Variants in OC90 observed in about 807,000 individuals in gnomAD.
OC90 encodes the protein otoconin-90.
A neutral mutation model predicts 47.3 loss-of-function variants in OC90; 46 were observed. The observed-to-expected ratio is 0.97, with a 90% CI of 0.77 to 1.24. OC90 has a LOEUF of 1.24. Ranked by LOEUF, OC90 falls within the 50% of genes most tolerant of loss-of-function variation. OC90 has a pLI of 0.00. For missense variants in OC90, 688 were observed against 583.9 expected (o/e 1.18, Z -1.84); for synonymous variants, 271 against 219.5 (o/e 1.23, Z -2.07).
At chr8:132,033,727 C>G (rs979255794) in intron 10 of OC90, among the ~76,000 whole-genome samples, 3 of 152,232 alleles carry the variant, frequency 2.0e-5, no homozygotes, top group Non-Finnish European at 2.9e-5. Flanking sequence ...GCCTGACACT[C>G]TCTCTGGATC....
chr8:132,028,376 C>T (rs1423627782), intron 13 of OC90, among the ~76,000 whole-genome samples: 1 of 151,668 alleles, frequency 6.6e-6, no homozygotes, highest in African/African-American at 2.4e-5. Flanking sequence ...GTGGCACATG[C>T]CTGTAATCCC....
In OC90 at chr8:132,044,422, A is replaced by G; in HGVS notation, c.169+11T>C. The G allele has an allele frequency of 6.7e-7, 1 of 1,485,884 alleles. No homozygotes were observed. Among genetic ancestry groups the G allele is most frequent in the East Asian group, 2.4e-5 (1 of 42,154 alleles). The allele number at this position is 1,485,884 out of a possible 1,614,324, so 92.0% of individuals were successfully genotyped here. A position where few individuals can be genotyped will look rare whatever the true frequency, so the allele number is the denominator to read the frequency against. On this transcript the variant is annotated intron_variant, in intron 4 of 13. Transcript: ENST00000254627. ...CTCTGGTGGATAAAAGCAATTTTAGACTTAACTTACCAAAAATTTCAGCCA... is the reference window on the plus strand; with the variant it reads ...CTCTGGTGGATAAAAGCAATTTTAGGCTTAACTTACCAAAAATTTCAGCCA...
At chr8:132,047,878 C>T (rs971464273) in intron 2 of OC90, among the ~76,000 whole-genome samples, 1 of 152,164 alleles carries the variant, frequency 6.6e-6, no homozygotes, top group African/African-American at 2.4e-5. Context: ...TTTATATCTT[C>T]GTACTTAAAC....
chr8:132,030,762 C>T (rs1169319836), intron 12 of OC90, among the ~76,000 whole-genome samples: 1 of 152,170 alleles, frequency 6.6e-6, no homozygotes, highest in Non-Finnish European at 1.5e-5. Context: ...GCCTGGATTT[C>T]CTTCACTGAA....
intron 13 of OC90, among the ~76,000 whole-genome samples, chr8:132,026,159 A>AT (rs1822754733): frequency 6.6e-6 from 1 of 152,056 alleles, no homozygotes; most frequent in Non-Finnish European, 1.5e-5. Context: ...AACCAACCCT[A>AT]TTTTTTTCAA....
intron 13 of OC90, among the ~76,000 whole-genome samples, chr8:132,028,853 AAG>A (rs1822827416): frequency 6.7e-6 from 1 of 148,184 alleles, no homozygotes; most frequent in East Asian, 2.1e-4. Flanking sequence ...GAAAGAAGGA[AAG>A]AGGAAGGAAG....
intron 2 of OC90, among the ~76,000 whole-genome samples, chr8:132,051,900 T>A (rs1244195672): frequency 1.3e-5 from 2 of 152,168 alleles, no homozygotes; most frequent in Admixed American, 6.5e-5. Flanking sequence ...TTTTCAAAAA[T>A]TTTTTTTGAA....
intron 3 of OC90, 146 bp downstream of exon 3, chr8:132,045,672 G>C: frequency 1.7e-6 from 1 of 579,180 alleles, no homozygotes; most frequent in Non-Finnish European, 3.1e-6. Flanking sequence ...TTGGGGAGAT[G>C]CTTTTGAGTC....
chr8:132,028,587 GA>G (rs1554613333), intron 13 of OC90, among the ~76,000 whole-genome samples: 11 of 25,094 alleles, frequency 4.4e-4, no homozygotes, highest in East Asian at 1.9e-3. Flanking sequence ...AGGAAGGAAG[GA>G]AGGAAGGAAG....
chr8:132,046,343 A>T (rs1461558104), intron 2 of OC90, among the ~76,000 whole-genome samples: 1 of 152,178 alleles, frequency 6.6e-6, no homozygotes, highest in Non-Finnish European at 1.5e-5. Flanking sequence ...CTCCGTAAAC[A>T]TTCTGATTTC....
Position 132,025,248 on chromosome 8 carries a change from T to TG in OC90, c.1139-473dup, listed in dbSNP as rs558578509. 3.1e-3 allele frequency among the ~76,000 whole-genome samples: 467 copies of TG among 152,250 alleles called. 2 individuals carry two copies. The highest frequency in any genetic ancestry group is 9.8e-3 in the African/African-American group (407 of 41,536). On this transcript the variant is annotated intron_variant, in intron 13 of 13. Transcript: ENST00000254627. Reference sequence around the variant, plus strand: ...CAAAGAATATCAGGCAACTGTCAGGTGACTGTCAGGCAATTGTAAGGCAGC... The same window carrying TG: ...CAAAGAATATCAGGCAACTGTCAGGTGGACTGTCAGGCAATTGTAAGGCAGC...
In OC90 at chr8:132,038,782, G is replaced by T; in HGVS notation, c.628+8C>A. The T allele has an allele frequency of 6.2e-7, 1 of 1,612,702 alleles. No individual in the cohort carries two copies. Among genetic ancestry groups the T allele is most frequent in the Non-Finnish European group, 8.5e-7 (1 of 1,178,924 alleles). On this transcript the variant is annotated splice_region_variant and intron_variant, in intron 8 of 13. Transcript: ENST00000254627. Reference sequence around the variant, plus strand: ...GGTTCAAGAGCCACCAACCCTGGGAGGCCTTACCTCTGGGCAGAAGTGTTG... The same window carrying T: ...GGTTCAAGAGCCACCAACCCTGGGATGCCTTACCTCTGGGCAGAAGTGTTG...
chr8:132,055,736 T>C (rs1178069053), intron 1 of OC90, among the ~76,000 whole-genome samples: 2 of 152,174 alleles, frequency 1.3e-5, no homozygotes, highest in Non-Finnish European at 2.9e-5. Flanking sequence ...GAGAGTTCAA[T>C]AGATACTCCT....
intron 10 of OC90, among the ~76,000 whole-genome samples, chr8:132,033,458 A>G (rs896736253): frequency 6.6e-6 from 1 of 152,212 alleles, no homozygotes; most frequent in Non-Finnish European, 1.5e-5. Context: ...GTTTAGTATC[A>G]CATGCCTGCC....
At chr8:132,038,954 G>A (rs1823010122) in intron 7 of OC90, 41 bp downstream of exon 7, 1 of 1,613,630 alleles carries the variant, frequency 6.2e-7, no homozygotes, top group Non-Finnish European at 8.5e-7. Flanking sequence ...CTGCTGTCCA[G>A]ATCCTCAGCC....
In OC90 at chr8:132,044,491, TA is replaced by T; in HGVS notation, c.113-3del. The T allele has an allele frequency of 6.6e-7, 1 of 1,525,778 alleles. No homozygotes were observed. The highest frequency in any genetic ancestry group is 9.0e-7 in the Non-Finnish European group (1 of 1,116,994). 94.5% of individuals were successfully genotyped at this position (1,525,778 alleles called of 1,614,324 possible). A position where few individuals can be genotyped will look rare whatever the true frequency, so the allele number is the denominator to read the frequency against. On this transcript the variant is annotated splice_region_variant and splice_polypyrimidine_tract_variant and intron_variant, in intron 3 of 13. Transcript: ENST00000254627. ...ACATCCCACTGAAGAAAGTGATATCTAAGTGTAAGAAAGAAAACAAATGAGA... is the reference window on the plus strand; with the variant it reads ...ACATCCCACTGAAGAAAGTGATATCTAGTGTAAGAAAGAAAACAAATGAGA...
chr8:132,031,661 C>A (rs981229478), intron 12 of OC90, among the ~76,000 whole-genome samples: 1 of 152,176 alleles, frequency 6.6e-6, no homozygotes, highest in African/African-American at 2.4e-5. Flanking sequence ...CTGCCTTTTC[C>A]AAGGTGAACG....
Position 132,045,811 on chromosome 8 carries a change from T to A in OC90, c.112+7A>T. On this transcript the variant is annotated splice_region_variant and intron_variant, in intron 3 of 13. Coordinates refer to ENST00000254627, the MANE Select transcript of OC90 (RefSeq NM_001080399.3). ...CTGCTCCTAAGAAAAGTTCTAAGAA[T>A]CCTTACTGATATTGTTTGGGAGTCC... 1 of 1,508,708 alleles carries A rather than the reference T, an allele frequency of 6.6e-7. No homozygotes were observed. Among genetic ancestry groups the A allele is most frequent in the East Asian group, 2.5e-5 (1 of 40,696 alleles). The allele number at this position is 1,508,708 out of a possible 1,614,324, so 93.5% of individuals were successfully genotyped here.
intron 13 of OC90, among the ~76,000 whole-genome samples, chr8:132,028,567 G>A (rs28464104): frequency 0.032 from 411 of 12,858 alleles, 2 homozygotes; most frequent in African/African-American, 0.053. Flanking sequence ...AGAAAGAAAG[G>A]AAGGAAGGAA....
Sources: allele counts gnomAD v4.1 joint callset (sites outside exome capture counted in the v4.1 genomes callset), GRCh38; gene constraint gnomAD v4.1.1; transcripts MANE v1.5; gene names NCBI Gene and HGNC (gene_info 2026-07-23, HGNC 2026-07-21).